Variants in TCF7L2 observed in about 807,000 individuals in gnomAD.
TCF7L2 encodes transcription factor 7-like 2.
Under a neutral mutation model 77.9 loss-of-function variants are expected in TCF7L2, and 23 were observed. That is an observed-to-expected ratio of 0.30 (90% CI 0.21 to 0.42). The LOEUF (loss-of-function observed/expected upper bound fraction) is 0.42, where lower values mean the gene tolerates loss of function less well. Ranked by LOEUF, TCF7L2 falls within the 10% of genes least tolerant of loss-of-function variation. The pLI is 1.00. For synonymous variants in TCF7L2, 413 were observed against 340.2 expected (o/e 1.21, Z -2.36); for missense variants, 654 against 793.1 (o/e 0.82, Z 2.11).
chr10:112,957,657 T>A (rs1390081476), intron 3 of TCF7L2, among the ~76,000 whole-genome samples: 1 of 152,146 alleles, frequency 6.6e-6, no homozygotes, highest in Non-Finnish European at 1.5e-5. Context: ...TGGGCTGGGC[T>A]ATTAAAAAGG....
At chr10:112,979,536 C>T (rs2040087860) in intron 4 of TCF7L2, among the ~76,000 whole-genome samples, 1 of 152,070 alleles carries the variant, frequency 6.6e-6, no homozygotes, top group Non-Finnish European at 1.5e-5. Context: ...GCGGGCGGAT[C>T]ACTTGAGGTC....
chr10:113,087,870 A>G (rs530057305), intron 5 of TCF7L2, among the ~76,000 whole-genome samples: 1 of 152,302 alleles, frequency 6.6e-6, no homozygotes, highest in South Asian at 2.1e-4. Flanking sequence ...CCATGGGAAT[A>G]CCATATACTA....
chr10:113,099,245 C>T (rs2061372921), intron 5 of TCF7L2, among the ~76,000 whole-genome samples: 2 of 152,124 alleles, frequency 1.3e-5, no homozygotes, highest in South Asian at 2.1e-4. Flanking sequence ...AGAGTGAAAA[C>T]GGCTTTTGGA....
chr10:113,033,609 CT>C (rs1464783864), intron 4 of TCF7L2, among the ~76,000 whole-genome samples: 1 of 152,284 alleles, frequency 6.6e-6, no homozygotes, highest in East Asian at 1.9e-4. Flanking sequence ...CTTCTGAGAT[CT>C]TTGGTTTTCT....
intron 3 of TCF7L2, among the ~76,000 whole-genome samples, chr10:112,956,344 CTTTTTTTTTTTTTT>C (rs10711698): frequency 1.4e-3 from 160 of 112,240 alleles, no homozygotes; most frequent in African/African-American, 5.2e-3. Context: ...AGTGATTTAC[CTTTTTTTTTTTTTT>C]TTTTTTTTTA....
chr10:113,084,571 T>C (rs1044689297), intron 5 of TCF7L2, among the ~76,000 whole-genome samples: 3 of 152,058 alleles, frequency 2.0e-5, no homozygotes, highest in Non-Finnish European at 4.4e-5. Context: ...TATAACCAAA[T>C]ATCCGGGCAC....
chr10:113,142,012 G>T (rs1241646737), intron 6 of TCF7L2, among the ~76,000 whole-genome samples: 1 of 152,150 alleles, frequency 6.6e-6, no homozygotes, highest in Non-Finnish European at 1.5e-5. Flanking sequence ...TGTTGTTGTT[G>T]TTGTTGTTTT....
chr10:112,957,157 TTCTC>T (rs1170596507), intron 3 of TCF7L2, among the ~76,000 whole-genome samples: 1 of 151,690 alleles, frequency 6.6e-6, no homozygotes, highest in Middle Eastern at 3.2e-3. Context: ...TTTCCTTTCT[TTCTC>T]TTTTCTTAAT....
chr10:113,079,381 C>T (rs926305751), intron 5 of TCF7L2, among the ~76,000 whole-genome samples: 7 of 152,156 alleles, frequency 4.6e-5, no homozygotes, highest in Admixed American at 2.6e-4. Context: ...AGATCCAGCC[C>T]GGGCCAGCAG....
At chr10:113,083,864 C>G (rs1036375286) in intron 5 of TCF7L2, among the ~76,000 whole-genome samples, 2 of 152,106 alleles carry the variant, frequency 1.3e-5, no homozygotes, top group Non-Finnish European at 2.9e-5. Flanking sequence ...AAAATTCTTC[C>G]ATTTATGCAT....
In TCF7L2 at chr10:113,165,556, A is replaced by C; in HGVS notation, c.1393A>C (p.Arg465=). Reference sequence around the variant, plus strand: ...GATAACTCTCTCCCCTGTTTCTAGGAGAAAAAAAAAGTGCGTTCGCTACAT... The same window carrying C: ...GATAACTCTCTCCCCTGTTTCTAGGCGAAAAAAAAAGTGCGTTCGCTACAT... The change falls in exon 14 of 14, where the codon AGA becomes CGA. Residue 465 remains arginine, a splice_region_variant and synonymous_variant. Coordinates refer to ENST00000627217, the MANE Select transcript of TCF7L2 (RefSeq NM_001146274.2). 1 of 1,613,482 alleles carries C rather than the reference A, an allele frequency of 6.2e-7. No individual in the cohort carries two copies. Among genetic ancestry groups the C allele is most frequent in the South Asian group, 1.1e-5 (1 of 91,002 alleles).
intron 4 of TCF7L2, among the ~76,000 whole-genome samples, chr10:112,975,019 A>G (rs1477298804): frequency 6.6e-6 from 1 of 150,420 alleles, no homozygotes; most frequent in Non-Finnish European, 1.5e-5. Context: ...AAATCTTAGC[A>G]TCCACTTCAG....
chr10:113,040,581 C>G (rs559208785), intron 5 of TCF7L2, among the ~76,000 whole-genome samples: 1 of 152,324 alleles, frequency 6.6e-6, no homozygotes, highest in East Asian at 1.9e-4. Context: ...ACATTCTACA[C>G]TAACATTAGA....
intron 5 of TCF7L2, among the ~76,000 whole-genome samples, chr10:113,071,612 G>A (rs969540712): frequency 2.3e-4 from 35 of 152,212 alleles, no homozygotes; most frequent in Non-Finnish European, 4.9e-4. Flanking sequence ...GCAGCTGTAG[G>A]GAATGTTATC....
At chr10:113,025,653 T>C (rs2049020278) in intron 4 of TCF7L2, among the ~76,000 whole-genome samples, 1 of 152,190 alleles carries the variant, frequency 6.6e-6, no homozygotes, top group Non-Finnish European at 1.5e-5. Flanking sequence ...AGTGCTGGGA[T>C]TACAGGTGTG....
intron 3 of TCF7L2, among the ~76,000 whole-genome samples, chr10:112,958,000 C>G (rs937141198): frequency 6.6e-6 from 1 of 152,102 alleles, no homozygotes; most frequent in Admixed American, 6.6e-5. Context: ...AGACCCAGGC[C>G]GAAAGGTTTT....
intron 5 of TCF7L2, among the ~76,000 whole-genome samples, chr10:113,127,687 T>C (rs2065877453): frequency 6.6e-6 from 1 of 152,100 alleles, no homozygotes; most frequent in South Asian, 2.1e-4. Flanking sequence ...AAGCGTGGTG[T>C]ACTTCTGACA....
chr10:113,143,444 A>T (rs893634885), intron 6 of TCF7L2, among the ~76,000 whole-genome samples: 1 of 152,228 alleles, frequency 6.6e-6, no homozygotes, highest in African/African-American at 2.4e-5. Context: ...TTTTTGAAAA[A>T]AGGCAAGGGT....
intron 5 of TCF7L2, among the ~76,000 whole-genome samples, chr10:113,054,080 T>C (rs1269398936): frequency 6.6e-6 from 1 of 152,198 alleles, no homozygotes; most frequent in Non-Finnish European, 1.5e-5. Context: ...CTGTCATTCT[T>C]TTGTGATGCT....
Sources: allele counts gnomAD v4.1 joint callset (sites outside exome capture counted in the v4.1 genomes callset), GRCh38; gene constraint gnomAD v4.1.1; transcripts MANE v1.5; gene names NCBI Gene and HGNC (gene_info 2026-07-23, HGNC 2026-07-21).